Variants in SPIRE2 observed in about 807,000 individuals in gnomAD.
The protein encoded by SPIRE2 is protein spire homolog 2.
Under a neutral mutation model 80.7 loss-of-function variants are expected in SPIRE2, and 76 were observed. The ratio of observed to expected loss-of-function variants is 0.94; its 90% CI spans 0.78 to 1.14. The LOEUF is 1.14. SPIRE2 is among the 50% of genes most tolerant of loss of function. The pLI is 0.00. For synonymous variants in SPIRE2, 535 were observed against 432.6 expected (o/e 1.24, Z -2.94); for missense variants, 1,196 against 1,015.3 (o/e 1.18, Z -2.42).
intron 13 of SPIRE2, among the ~76,000 whole-genome samples, 153 bp from the exon 14 acceptor site, chr16:89,869,414 G>A (rs1288555002): frequency 6.6e-6 from 1 of 152,108 alleles, no homozygotes; most frequent in Non-Finnish European, 1.5e-5. Flanking sequence ...AAGGCACAGA[G>A]GAGACATCGG....
chr16:89,860,749 A>G lies in SPIRE2; in HGVS notation c.1529A>G (p.Asp510Gly). Residue 510 changes from aspartate to glycine, a missense_variant, in exon 10 of 15, where the codon GAC (aspartate) becomes GGC (glycine). Asp to Gly is a moderately conservative substitution (Grantham distance 94, BLOSUM62 -1). Coordinates refer to ENST00000378247, the MANE Select transcript of SPIRE2 (RefSeq NM_032451.2). ...CTCAGCAACCGGGGCTCCTCGGGGGACAGACCCGAGGCCTCCATGACCCCC... is the reference window on the plus strand; with the variant it reads ...CTCAGCAACCGGGGCTCCTCGGGGGGCAGACCCGAGGCCTCCATGACCCCC... ...PLLSNRGSSG[D>G]RPEASMTPDA... The G allele has an allele frequency of 6.3e-7, 1 of 1,580,006 alleles. No individual in the cohort carries two copies. The highest frequency in any genetic ancestry group is 8.6e-7 in the Non-Finnish European group (1 of 1,164,198).
intron 2 of SPIRE2, chr16:89,845,990 G>A (rs991392803): frequency 1.1e-4 from 24 of 223,238 alleles, no homozygotes; most frequent in South Asian, 1.8e-4. Flanking sequence ...TCCGCCTCCC[G>A]GGTTCACACC....
Position 89,870,482 on chromosome 16 carries a change from TCTC to T in SPIRE2, c.*211_*213del. 1 of 511,680 alleles carries T rather than the reference TCTC, an allele frequency of 2.0e-6. No homozygotes were observed. Among genetic ancestry groups the T allele is most frequent in the Non-Finnish European group, 3.5e-6 (1 of 286,638 alleles). 31.7% of individuals were successfully genotyped at this position (511,680 alleles called of 1,614,324 possible). ...ACCCTCCCTGGGGGAGGCTGTTTCT[TCTC>T]AGGATTCCTTGCCAGGGAGGAAGGG... is the stretch of plus-strand genomic sequence containing the variant. On this transcript the variant is annotated 3_prime_UTR_variant, in exon 15 of 15. Transcript: ENST00000378247.
intron 1 of SPIRE2, chr16:89,836,550 A>T (rs1395775892): frequency 4.6e-6 from 1 of 216,974 alleles, no homozygotes; most frequent in East Asian, 1.1e-4. Context: ...TATTAAGCAG[A>T]CACCAACGTT....
At chr16:89,841,933 G>T (rs1225350463) in intron 1 of SPIRE2, among the ~76,000 whole-genome samples, 2 of 151,902 alleles carry the variant, frequency 1.3e-5, no homozygotes, top group Non-Finnish European at 2.9e-5. Context: ...TCTCCCTGTT[G>T]GTCAGGCTGG....
chr16:89,870,024 C>G, intron 14 of SPIRE2, 26 bp from the exon 15 acceptor site: 2 of 1,599,958 alleles, frequency 1.3e-6, no homozygotes, highest in Non-Finnish European at 1.7e-6. Context: ...GGCTCCTCTC[C>G]CTGAGTGCCC....
chr16:89,836,516 C>A, intron 1 of SPIRE2: 1 of 278,456 alleles, frequency 3.6e-6, no homozygotes, highest in Non-Finnish European at 7.4e-6. Flanking sequence ...AGGACGGTTC[C>A]CCTAAATACT....
chr16:89,842,232 T>G lies in SPIRE2; in HGVS notation c.245-3090T>G, dbSNP rs12928022. Among the ~76,000 whole-genome samples the G allele has an allele frequency of 2.2e-5, 3 of 138,510 alleles. No homozygotes were observed. In the East Asian group the frequency reaches 6.9e-4, roughly 32 times the overall value. 90.9% of individuals were successfully genotyped at this position (138,510 alleles called of 152,430 possible). The stretch of plus-strand genomic sequence containing the variant: ...AATTTTTTTTTTTTTTTTTTTTTTG[T>G]GACGGAGTCTCACTCTGTTGCCCAG... On this transcript the variant is annotated intron_variant, in intron 1 of 14. Transcript: ENST00000378247.
chr16:89,865,997 G>A (rs2041786260), intron 12 of SPIRE2, among the ~76,000 whole-genome samples: 1 of 148,426 alleles, frequency 6.7e-6, no homozygotes, highest in African/African-American at 2.5e-5. Context: ...AGGTAAGGCT[G>A]GATATGGTGG....
chr16:89,855,144 T>G (rs2041677607), intron 5 of SPIRE2, among the ~76,000 whole-genome samples: 1 of 152,168 alleles, frequency 6.6e-6, no homozygotes, highest in Non-Finnish European at 1.5e-5. Context: ...TTCACTGTGT[T>G]AGCCACGATG....
Position 89,828,894 on chromosome 16 carries a change from C to T in SPIRE2, c.244+100C>T, listed in dbSNP as rs987723444. On this transcript the variant is annotated intron_variant, in intron 1 of 14. Transcript: ENST00000378247. This position sits in a 1 kb window ranked among gnomAD's most constrained non-coding sequence, Gnocchi z 5.9. ...CCCGGCGGAGAGGCTGCGACCGGTTCTGGAGCGGGAGATCCCCTTCTCTGC... is the reference window on the plus strand; with the variant it reads ...CCCGGCGGAGAGGCTGCGACCGGTTTTGGAGCGGGAGATCCCCTTCTCTGC... The T allele has an allele frequency of 4.0e-5, 39 of 985,290 alleles. No individual in the cohort carries two copies. The highest frequency in any genetic ancestry group is 4.7e-5 in the Non-Finnish European group (37 of 787,942). The allele number at this position is 985,290 out of a possible 1,614,324, so 61.0% of individuals were successfully genotyped here. A position where few individuals can be genotyped will look rare whatever the true frequency, so the allele number is the denominator to read the frequency against.
chr16:89,854,222 G>C (rs1311875553), intron 3 of SPIRE2, 64 bp from the exon 4 acceptor site: 3 of 1,476,404 alleles, frequency 2.0e-6, no homozygotes, highest in Non-Finnish European at 2.8e-6. Context: ...CCTGACGGAC[G>C]GGGCCCGTCT....
intron 1 of SPIRE2, among the ~76,000 whole-genome samples, chr16:89,837,670 C>T (rs1228349054): frequency 2.6e-5 from 4 of 152,174 alleles, no homozygotes; most frequent in East Asian, 1.9e-4. Context: ...GGCCAACACA[C>T]GCCTCCCGGA....
intron 2 of SPIRE2, chr16:89,846,386 A>T (rs1258882732): frequency 8.0e-5 from 12 of 150,844 alleles, no homozygotes; most frequent in Admixed American, 7.9e-4. Flanking sequence ...CAGTGGTGCG[A>T]TCTCAGCTCA....
chr16:89,838,590 G>C (rs1471367305), intron 1 of SPIRE2, among the ~76,000 whole-genome samples: 1 of 152,162 alleles, frequency 6.6e-6, no homozygotes, highest in Non-Finnish European at 1.5e-5. Flanking sequence ...TCTGATGGCA[G>C]ATCTGTGTTT....
At position 89,849,088 on chromosome 16, in the gene SPIRE2, G is replaced by A. The variant is rs142624336; in HGVS notation, c.289-1216G>A. On this transcript the variant is annotated intron_variant, in intron 2 of 14. Transcript: ENST00000378247. ...ACTTTCACCTGTTCTTGTTCTGCCC[G>A]GCTCAGGATCAGGTTTCCTGGGCTC... is the stretch of plus-strand genomic sequence containing the variant. Among the ~76,000 whole-genome samples, 16 of 152,370 alleles carry A rather than the reference G, an allele frequency of 1.1e-4. No homozygotes were observed. The East Asian group carries it at 1.5e-3, about 15-fold the overall frequency.
At chr16:89,835,300 C>T (rs553701478) in intron 1 of SPIRE2, among the ~76,000 whole-genome samples, 3 of 152,324 alleles carry the variant, frequency 2.0e-5, no homozygotes, top group South Asian at 4.1e-4. Context: ...GCAAGTTCTG[C>T]CTTGTGCTTT....
Position 89,868,221 on chromosome 16 carries a change from G to A in SPIRE2, c.1806+5G>A. On this transcript the variant is annotated splice_donor_5th_base_variant and intron_variant, in intron 13 of 14. Transcript: ENST00000378247. ...TGCACTTCCTGTAGCATAAAGGTGA[G>A]GACCATGTGGGATCTCTGGGGTCTG... 3 of 1,613,968 alleles carry A rather than the reference G, an allele frequency of 1.9e-6. No homozygotes were observed. Among genetic ancestry groups the A allele is most frequent in the Non-Finnish European group, 8.5e-7 (1 of 1,179,930 alleles).
chr16:89,834,883 C>T (rs1206012601), intron 1 of SPIRE2, among the ~76,000 whole-genome samples: 30 of 148,244 alleles, frequency 2.0e-4, no homozygotes, highest in Non-Finnish European at 4.5e-5. Context: ...TGCCCGCACT[C>T]GCAGCTGGCC....
Sources: gnomAD v4.1 joint callset for allele counts (sites outside exome capture counted in the v4.1 genomes callset) on GRCh38, gnomAD v4.1.1 for gene constraint, Gnocchi (gnomAD v3.1) non-coding constraint, MANE v1.5 for transcripts, NCBI Gene and HGNC (gene_info 2026-07-23, HGNC 2026-07-21) for gene names.